The following TENM4 variants were observed in gnomAD, a reference collection of about 807,000 sequenced individuals.
The protein encoded by TENM4 is teneurin-4.
A neutral mutation model predicts 243.3 loss-of-function variants in TENM4; 82 were observed. The ratio of observed to expected loss-of-function variants is 0.34; its 90% CI spans 0.28 to 0.40. The LOEUF is 0.40. Among genes scored for constraint, TENM4 ranks in the 10% least tolerant of loss-of-function variants. TENM4 has a pLI of 1.00. For synonymous variants in TENM4, 1,412 were observed against 1,456.3 expected (o/e 0.97, Z 0.69); for missense variants, 3,138 against 3,673.3 (o/e 0.85, Z 3.77).
At chr11:79,341,205 T>C (rs1219390450) in intron 1 of TENM4, among the ~76,000 whole-genome samples, 1 of 152,184 alleles carries the variant, frequency 6.6e-6, no homozygotes, top group Non-Finnish European at 1.5e-5. Flanking sequence ...TCAGGAACTA[T>C]AAGAGAATAA....
At chr11:79,129,959 G>T (rs896422660) in intron 4 of TENM4, among the ~76,000 whole-genome samples, 5 of 152,248 alleles carry the variant, frequency 3.3e-5, no homozygotes, top group African/African-American at 1.2e-4. Context: ...AACTACCAAA[G>T]CTAAGAACCC....
chr11:79,250,827 T>C (rs1855597683), intron 2 of TENM4, among the ~76,000 whole-genome samples: 1 of 152,220 alleles, frequency 6.6e-6, no homozygotes, highest in African/African-American at 2.4e-5. Context: ...TTAAATCAAA[T>C]AGGTGTCTGG....
At chr11:79,194,422 G>C (rs1407564359) in intron 3 of TENM4, among the ~76,000 whole-genome samples, 1 of 152,120 alleles carries the variant, frequency 6.6e-6, no homozygotes, top group Non-Finnish European at 1.5e-5. Flanking sequence ...ATGTGGGAAA[G>C]TTTGGAACCT....
At chr11:78,942,352 G>A (rs947346915) in intron 6 of TENM4, among the ~76,000 whole-genome samples, 1 of 149,022 alleles carries the variant, frequency 6.7e-6, no homozygotes, top group African/African-American at 2.5e-5. Flanking sequence ...TGGCTGAGTG[G>A]GAGGATCACC....
At chr11:79,214,992 A>G (rs486621) in intron 3 of TENM4, among the ~76,000 whole-genome samples, 88,568 of 152,122 alleles carry the variant, frequency 0.58, 27,463 homozygotes, top group Middle Eastern at 0.77. Flanking sequence ...TAAGCCTAAA[A>G]AGACTCATAT....
At chr11:78,823,289 G>C (rs1022027732) in intron 12 of TENM4, among the ~76,000 whole-genome samples, 1 of 152,222 alleles carries the variant, frequency 6.6e-6, no homozygotes, top group Admixed American at 6.5e-5. Flanking sequence ...CCAGGTGCAA[G>C]AGACAACACC....
intron 6 of TENM4, among the ~76,000 whole-genome samples, chr11:78,997,110 G>A (rs1858194795): frequency 6.6e-6 from 1 of 152,070 alleles, no homozygotes; most frequent in Non-Finnish European, 1.5e-5. Flanking sequence ...GTGACCACAG[G>A]CTGCTGAGGC....
chr11:78,936,062 T>G (rs910663696), intron 6 of TENM4, among the ~76,000 whole-genome samples: 13 of 152,238 alleles, frequency 8.5e-5, no homozygotes, highest in African/African-American at 3.1e-4. Flanking sequence ...GTTACAGGTC[T>G]GCCTTGTAAG....
chr11:78,749,902 T>C (rs1465914427), intron 19 of TENM4, among the ~76,000 whole-genome samples: 2 of 152,182 alleles, frequency 1.3e-5, no homozygotes, highest in Admixed American at 6.5e-5. Context: ...TCTGGCCTCA[T>C]AGTTCCCTAT....
At chr11:78,866,402 A>G (rs1858975527) in intron 9 of TENM4, among the ~76,000 whole-genome samples, 1 of 151,614 alleles carries the variant, frequency 6.6e-6, no homozygotes, top group African/African-American at 2.4e-5. Context: ...GAAGAGAAAC[A>G]TTTTTATTGT....
intron 1 of TENM4, among the ~76,000 whole-genome samples, chr11:79,391,759 G>GT (rs1858237838): frequency 6.6e-6 from 1 of 152,142 alleles, no homozygotes; most frequent in African/African-American, 2.4e-5. Context: ...ATAATATACA[G>GT]TATATGCACC....
At chr11:79,277,633 G>A (rs1302203095) in intron 2 of TENM4, among the ~76,000 whole-genome samples, 2 of 152,202 alleles carry the variant, frequency 1.3e-5, no homozygotes, top group Admixed American at 6.5e-5. Flanking sequence ...TAGGGGCAGG[G>A]AAGCAAAGTG....
At chr11:78,964,871 T>G (rs192798719) in intron 6 of TENM4, among the ~76,000 whole-genome samples, 1 of 152,230 alleles carries the variant, frequency 6.6e-6, no homozygotes, top group African/African-American at 2.4e-5. Flanking sequence ...GCTCCTCATT[T>G]GTAATTTTTA....
intron 15 of TENM4, among the ~76,000 whole-genome samples, chr11:78,788,910 G>C (rs905566111): frequency 1.3e-5 from 2 of 152,190 alleles, no homozygotes; most frequent in Admixed American, 6.5e-5. Context: ...CTGTTAGACA[G>C]TGTAATCTAC....
chr11:79,409,061 TG>T (rs1261126830), intron 1 of TENM4, among the ~76,000 whole-genome samples: 4 of 54,776 alleles, frequency 7.3e-5, no homozygotes, highest in African/African-American at 3.7e-4. Flanking sequence ...AGGGATATTT[TG>T]TGTGTGTGTG....
chr11:79,207,248 C>T (rs1438117542), intron 3 of TENM4, among the ~76,000 whole-genome samples: 1 of 152,188 alleles, frequency 6.6e-6, no homozygotes, highest in African/African-American at 2.4e-5. Context: ...TGTAAAGGTG[C>T]AAAGGCCAGG....
In TENM4 at chr11:78,891,356, T is replaced by C. The variant is rs947817463; in HGVS notation, c.750-20A>G. 6 of 1,547,522 alleles carry C rather than the reference T, an allele frequency of 3.9e-6. No homozygotes were observed. The African/African-American group carries it at 4.1e-5, about 11-fold the overall frequency. The stretch of plus-strand genomic sequence containing the variant: ...AGGTTTCTACGCACACATGGAGACA[T>C]GAATGAAGCAATGAGTCATGCATTG... On this transcript the variant is annotated intron_variant, in intron 7 of 33. Transcript: ENST00000278550.
At position 79,079,754 on chromosome 11, in the gene TENM4, G is replaced by A. The variant is rs140428771; in HGVS notation, c.-65-9745C>T. Among the ~76,000 whole-genome samples, 9 of 150,640 alleles carry A rather than the reference G, an allele frequency of 6.0e-5. No homozygotes were observed. The East Asian group carries it at 1.8e-3, about 29-fold the overall frequency. On this transcript the variant is annotated intron_variant, in intron 4 of 33. Coordinates refer to ENST00000278550, the MANE Select transcript of TENM4 (RefSeq NM_001098816.3). The stretch of plus-strand genomic sequence containing the variant: ...TGAGGCATGAGAATTGCTTGAATCT[G>A]AGAGTTGGAGGAGGTTGCAGTGAGC...
intron 1 of TENM4, among the ~76,000 whole-genome samples, chr11:79,339,537 C>G (rs1168354741): frequency 6.6e-6 from 1 of 152,164 alleles, no homozygotes. Flanking sequence ...CCCTCTCTCC[C>G]TACTATTACT....
Sources: gnomAD v4.1 joint callset for allele counts (sites outside exome capture counted in the v4.1 genomes callset) on GRCh38, gnomAD v4.1.1 for gene constraint, MANE v1.5 for transcripts, NCBI Gene and HGNC (gene_info 2026-07-23, HGNC 2026-07-21) for gene names.